The following SULF2 variants were observed in gnomAD, a reference collection of about 807,000 sequenced individuals.
SULF2 encodes extracellular sulfatase Sulf-2.
Under a neutral mutation model 107.7 loss-of-function variants are expected in SULF2, and 52 were observed. That is an observed-to-expected ratio of 0.48 (90% CI 0.39 to 0.61). SULF2 has a LOEUF of 0.61. Ranked by LOEUF, SULF2 falls within the 20% of genes least tolerant of loss-of-function variation. The probability of loss-of-function intolerance (pLI) is 0.00; values close to 1 mark genes in which losing one functional copy is unlikely to be tolerated. For synonymous variants in SULF2, 460 were observed against 464.3 expected (o/e 0.99, Z 0.12); for missense variants, 993 against 1,177.3 (o/e 0.84, Z 2.29).
chr20:47,717,741 G>A lies in SULF2; in HGVS notation c.416-15071C>T, dbSNP rs1044482694. 9.2e-5 allele frequency among the ~76,000 whole-genome samples: 14 copies of A among 152,174 alleles called. No individual in the cohort carries two copies. The South Asian group carries it at 1.9e-3, about 20-fold the overall frequency. ...GCACTTTGCCTTTCTTGAAGCATAG[G>A]TGGGGGACACAGGTAGGAGCCATAG... is the stretch of plus-strand genomic sequence containing the variant. On this transcript the variant is annotated intron_variant, in intron 3 of 20. Coordinates refer to ENST00000688720, the MANE Select transcript of SULF2 (RefSeq NM_001387048.1).
chr20:47,673,025 T>TC (rs1346447975), intron 10 of SULF2, among the ~76,000 whole-genome samples: 1 of 152,206 alleles, frequency 6.6e-6, no homozygotes, highest in East Asian at 1.9e-4. Context: ...GTGCAGAGGC[T>TC]CCACGTGTGC....
chr20:47,786,271 CTT>C (rs538885406), upstream of SULF2: 122 of 152,344 alleles, frequency 8.0e-4, no homozygotes, highest in African/African-American at 2.8e-3. Context: ...GAATCTGCCT[CTT>C]TTCCGCTTTC....
chr20:47,725,953 T>G (rs1421245891), intron 3 of SULF2, among the ~76,000 whole-genome samples: 1 of 152,210 alleles, frequency 6.6e-6, no homozygotes, highest in African/African-American at 2.4e-5. Context: ...TGGTGTCTGC[T>G]GCTCGGAGAA....
At chr20:47,734,798 A>G (rs1421751182) in intron 3 of SULF2, among the ~76,000 whole-genome samples, 2 of 152,224 alleles carry the variant, frequency 1.3e-5, no homozygotes, top group East Asian at 1.9e-4. Flanking sequence ...TACACTTGAC[A>G]TTACGCTCCC....
At chr20:47,699,105 G>A (rs1028452437) in intron 4 of SULF2, among the ~76,000 whole-genome samples, 1 of 152,146 alleles carries the variant, frequency 6.6e-6, no homozygotes, top group South Asian at 2.1e-4. Context: ...TACTGGGGAT[G>A]ACAAAATAGA....
At chr20:47,689,380 GATC>G (rs1302576341) in intron 5 of SULF2, among the ~76,000 whole-genome samples, 2 of 152,192 alleles carry the variant, frequency 1.3e-5, no homozygotes, top group Non-Finnish European at 2.9e-5. Context: ...CTCTCTCTCT[GATC>G]ATTTGCTCTG....
intron 3 of SULF2, among the ~76,000 whole-genome samples, chr20:47,720,642 T>A (rs2089267347): frequency 6.6e-6 from 1 of 152,000 alleles, no homozygotes; most frequent in South Asian, 2.1e-4. Flanking sequence ...CTGACAGAAA[T>A]TTGGGGTTGA....
chr20:47,778,652 C>T (rs1291687405), intron 1 of SULF2, among the ~76,000 whole-genome samples: 3 of 152,186 alleles, frequency 2.0e-5, no homozygotes, highest in African/African-American at 7.2e-5. Flanking sequence ...AAGCAATTTC[C>T]CAAGGGCATC....
At chr20:47,782,977 C>T (rs1455022805) in intron 1 of SULF2, among the ~76,000 whole-genome samples, 2 of 152,132 alleles carry the variant, frequency 1.3e-5, no homozygotes, top group Admixed American at 1.3e-4. Context: ...CAAGTGGACC[C>T]CGGAGCTTGA....
In SULF2 at chr20:47,678,756, G is replaced by A; in HGVS notation, c.1113C>T (p.Asp371=). 1 of 1,614,034 alleles carries A rather than the reference G, an allele frequency of 6.2e-7. No individual in the cohort carries two copies. The stretch of plus-strand genomic sequence containing the variant: ...CCGCAGGTATGTCCAGGCCTGCAAT[G>A]TCCAGGATGGTGGGGGCCAGGTCAA... ...LNIDLAPTIL[D]IAGLDIPADM... The change falls in exon 8 of 21, where the codon GAC becomes GAT. Residue 371 remains aspartate (D), a synonymous_variant. Coordinates refer to ENST00000688720, the MANE Select transcript of SULF2 (RefSeq NM_001387048.1). This position sits in a 1 kb window ranked among gnomAD's most constrained non-coding sequence, Gnocchi z 4.5.
At chr20:47,705,429 G>A (rs77571398) in intron 3 of SULF2, among the ~76,000 whole-genome samples, 1,716 of 152,294 alleles carry the variant, frequency 0.011, 30 homozygotes, top group South Asian at 0.047. Flanking sequence ...ATTAAACAGC[G>A]ACTGGGCGTC....
chr20:47,773,028 C>T (rs541210785), intron 1 of SULF2, among the ~76,000 whole-genome samples: 1 of 152,040 alleles, frequency 6.6e-6, no homozygotes, highest in Non-Finnish European at 1.5e-5. Flanking sequence ...TGGACTACAC[C>T]GGAAACACCA....
rs1012870583 is a variant in SULF2 at position 47,712,449 on chromosome 20, C to T, written c.416-9779G>A. Among the ~76,000 whole-genome samples the T allele has an allele frequency of 1.2e-4, 18 of 152,340 alleles. 1 individual carries two copies. The highest frequency in any genetic ancestry group is 1.1e-3 in the Admixed American group (17 of 15,304). ...GTCACCGGGCTGTTTATTTCCTCTA[C>T]AGCACTCTGCACTCTCTGAAATTAT... On this transcript the variant is annotated intron_variant, in intron 3 of 20. Coordinates refer to ENST00000688720, the MANE Select transcript of SULF2 (RefSeq NM_001387048.1).
At chr20:47,733,950 T>C (rs1157386643) in intron 3 of SULF2, among the ~76,000 whole-genome samples, 5 of 152,238 alleles carry the variant, frequency 3.3e-5, no homozygotes, top group Admixed American at 1.3e-4. Context: ...ATCTCCTCTA[T>C]TCAAACGAGT....
intron 2 of SULF2, among the ~76,000 whole-genome samples, chr20:47,752,999 G>A (rs1236813284): frequency 6.6e-6 from 1 of 150,602 alleles, no homozygotes; most frequent in Non-Finnish European, 1.5e-5. Flanking sequence ...TACTTGGGAG[G>A]CTGAGGCAGG....
chr20:47,722,231 T>A (rs1217637266), intron 3 of SULF2, among the ~76,000 whole-genome samples: 1 of 152,234 alleles, frequency 6.6e-6, no homozygotes, highest in African/African-American at 2.4e-5. Flanking sequence ...TTTTGCTGAC[T>A]TCAAGCCTAA....
At chr20:47,784,527 C>T (rs2090887741) in intron 1 of SULF2, among the ~76,000 whole-genome samples, 1 of 151,972 alleles carries the variant, frequency 6.6e-6, no homozygotes, top group African/African-American at 2.4e-5. Flanking sequence ...TGCAGGCTTC[C>T]CTTTCCATCT....
At chr20:47,715,881 G>A (rs1207767961) in intron 3 of SULF2, among the ~76,000 whole-genome samples, 1 of 152,214 alleles carries the variant, frequency 6.6e-6, no homozygotes, top group Non-Finnish European at 1.5e-5. Flanking sequence ...GCCTGGCTGA[G>A]AACGTAGATT....
At chr20:47,769,601 G>A (rs1041394855) in intron 1 of SULF2, among the ~76,000 whole-genome samples, 11 of 152,252 alleles carry the variant, frequency 7.2e-5, no homozygotes, top group African/African-American at 2.6e-4. Context: ...TGGCAGAGCC[G>A]AGGTGCTAAT....
Sources: gnomAD v4.1 joint callset for allele counts (sites outside exome capture counted in the v4.1 genomes callset) on GRCh38, gnomAD v4.1.1 for gene constraint, Gnocchi (gnomAD v3.1) non-coding constraint, MANE v1.5 for transcripts, NCBI Gene and HGNC (gene_info 2026-07-23, HGNC 2026-07-21) for gene names.